Variants in DNAAF4 observed in about 807,000 individuals in gnomAD.
DNAAF4 encodes dynein assembly factor 4, axonemal.
DNAAF4 carries 43 observed loss-of-function variants against 51.8 expected under a neutral mutation model. That is an observed-to-expected ratio of 0.83 (90% CI 0.65 to 1.07). The LOEUF (loss-of-function observed/expected upper bound fraction) is 1.07, where lower values mean the gene tolerates loss of function less well. DNAAF4 is among the 50% of genes least tolerant of loss of function. The pLI is 0.00. For synonymous variants in DNAAF4, 194 were observed against 165.6 expected (o/e 1.17, Z -1.32); for missense variants, 581 against 493.0 (o/e 1.18, Z -1.69).
chr15:55,469,616 G>A (rs1191699714), intron 4 of DNAAF4, among the ~76,000 whole-genome samples: 2 of 149,800 alleles, frequency 1.3e-5, no homozygotes, highest in Admixed American at 1.3e-4. Context: ...CCGAGTAGCT[G>A]GAACTACAGG....
chr15:55,483,406 T>G (rs1250286035), intron 4 of DNAAF4, among the ~76,000 whole-genome samples: 1 of 151,968 alleles, frequency 6.6e-6, no homozygotes, highest in African/African-American at 2.4e-5. Flanking sequence ...ATAGGTCTCT[T>G]TTTATGGTTA....
intron 7 of DNAAF4, among the ~76,000 whole-genome samples, chr15:55,438,896 G>A (rs1240100486): frequency 2.0e-5 from 3 of 151,908 alleles, no homozygotes; most frequent in East Asian, 1.9e-4. Flanking sequence ...AATGTAAAAC[G>A]GATTTTAAAA....
intron 1 of DNAAF4, among the ~76,000 whole-genome samples, chr15:55,503,584 G>C (rs958764093): frequency 1.3e-5 from 2 of 152,166 alleles, no homozygotes; most frequent in African/African-American, 4.8e-5. Flanking sequence ...CCACGATCAA[G>C]TCGGCTCCAT....
At position 55,469,474 on chromosome 15, in the gene DNAAF4, C is replaced by CTTTTTTTTTT. The variant is rs1162485238; in HGVS notation, c.406-2323_406-2314dup. Among the ~76,000 whole-genome samples, 22 of 66,272 alleles carry CTTTTTTTTTT rather than the reference C, an allele frequency of 3.3e-4. 3 individuals carry two copies. The highest frequency in any genetic ancestry group is 9.6e-4 in the African/African-American group (15 of 15,686). 43.5% of individuals were successfully genotyped at this position (66,272 alleles called of 152,430 possible). ...TGGGTTTCTCCTATGCTTACCAATT[C>CTTTTTTTTTT]TTTTTTTTTTTTTTTTTTTTTTTTT... On this transcript the variant is annotated intron_variant, in intron 4 of 9. Transcript: ENST00000321149.
intron 4 of DNAAF4, among the ~76,000 whole-genome samples, chr15:55,473,986 C>T (rs561121650): frequency 3.0e-4 from 45 of 151,360 alleles, no homozygotes; most frequent in Admixed American, 2.6e-4. Context: ...AGCAAGACTC[C>T]GTCTCAAAAA....
chr15:55,458,675 C>A (rs1450092085), intron 5 of DNAAF4, among the ~76,000 whole-genome samples: 1 of 152,116 alleles, frequency 6.6e-6, no homozygotes, highest in Non-Finnish European at 1.5e-5. Context: ...CATCCAAATA[C>A]AAGAAGCTCA....
intron 4 of DNAAF4, among the ~76,000 whole-genome samples, chr15:55,485,341 A>T (rs2058472542): frequency 6.6e-6 from 1 of 152,226 alleles, no homozygotes; most frequent in African/African-American, 2.4e-5. Flanking sequence ...ATAGAATAAA[A>T]TGGCAAAGCA....
At position 55,464,813 on chromosome 15, in the gene DNAAF4, G is replaced by C. The variant is rs562475341; in HGVS notation, c.637+2117C>G. 2.1e-4 allele frequency among the ~76,000 whole-genome samples: 32 copies of C among 152,242 alleles called. No homozygotes were observed. The South Asian group carries it at 2.7e-3, about 13-fold the overall frequency. On this transcript the variant is annotated intron_variant, in intron 5 of 9. Transcript: ENST00000321149. The stretch of plus-strand genomic sequence containing the variant: ...AGAAACCCCATCTCTAAATTAGCCA[G>C]GCATGGTGGTACATGCCTGTAATCC...
At chr15:55,431,597 C>T (rs1389303881) in intron 9 of DNAAF4, among the ~76,000 whole-genome samples, 1 of 151,528 alleles carries the variant, frequency 6.6e-6, no homozygotes, top group African/African-American at 2.4e-5. Flanking sequence ...GCCTCAGTCT[C>T]CTGAGTAGCT....
intron 7 of DNAAF4, chr15:55,418,803 C>A: frequency 2.7e-6 from 1 of 365,586 alleles, no homozygotes. Context: ...CCAAAAGCTT[C>A]AAAAGCCTTT....
chr15:55,447,882 G>GATGAGAC (rs1567010280), intron 6 of DNAAF4, among the ~76,000 whole-genome samples: 3 of 123,976 alleles, frequency 2.4e-5, no homozygotes, highest in Non-Finnish European at 5.6e-5. Flanking sequence ...AGAGGGGAGA[G>GATGAGAC]GGGAGCCCCT....
chr15:55,433,959 A>ATTATAATAT (rs1220050103), intron 8 of DNAAF4, among the ~76,000 whole-genome samples: 146 of 12,548 alleles, frequency 0.012, 5 homozygotes, highest in African/African-American at 0.089. Context: ...TATATAATAT[A>ATTATAATAT]TATAATATAT....
chr15:55,427,887 G>A (rs548190515), downstream of DNAAF4, among the ~76,000 whole-genome samples: 16 of 149,842 alleles, frequency 1.1e-4, no homozygotes, highest in African/African-American at 3.9e-4. Context: ...CACCCGCCTC[G>A]GCCTCCCAAA....
chr15:55,442,955 T>C, intron 6 of DNAAF4: 2 of 1,611,336 alleles, frequency 1.2e-6, no homozygotes, highest in South Asian at 2.2e-5. Context: ...AAGCAAACCA[T>C]CCTTTTCTCA....
chr15:55,491,516 G>A (rs2141587242), intron 3 of DNAAF4, among the ~76,000 whole-genome samples: 1 of 150,798 alleles, frequency 6.6e-6, no homozygotes, highest in East Asian at 1.9e-4. Context: ...ACAAGAGGCA[G>A]GTAATGAGAG....
At chr15:55,472,536 T>A (rs1186418941) in intron 4 of DNAAF4, among the ~76,000 whole-genome samples, 1 of 151,888 alleles carries the variant, frequency 6.6e-6, no homozygotes, top group African/African-American at 2.4e-5. Context: ...GAGAATCACT[T>A]GAATCTCGGA....
intron 5 of DNAAF4, among the ~76,000 whole-genome samples, chr15:55,462,783 G>A (rs550282666): frequency 6.6e-6 from 1 of 152,220 alleles, no homozygotes; most frequent in South Asian, 2.1e-4. Context: ...TGCAGGGCTG[G>A]TTTAACATAC....
At chr15:55,417,942 G>T (rs1043835767) in exon 8 of DNAAF4, 2 of 568,692 alleles carry the variant, frequency 3.5e-6, no homozygotes, top group Non-Finnish European at 6.1e-6. Context: ...AGTGGGGGAG[G>T]TTCTGAGCCA....
downstream of DNAAF4, among the ~76,000 whole-genome samples, chr15:55,429,820 CAA>C (rs112917325): frequency 6.9e-5 from 6 of 87,142 alleles, no homozygotes; most frequent in East Asian, 3.3e-4. Context: ...TCCTCCGTCT[CAA>C]AAAAAAAAAA....
Sources: allele counts gnomAD v4.1 joint callset (sites outside exome capture counted in the v4.1 genomes callset), GRCh38; gene constraint gnomAD v4.1.1; transcripts MANE v1.5; gene names NCBI Gene and HGNC (gene_info 2026-07-23, HGNC 2026-07-21).